Variants in RBM19 observed in about 807,000 individuals in gnomAD.
RBM19 encodes RNA binding motif protein 19.
A neutral mutation model predicts 116.8 loss-of-function variants in RBM19; 94 were observed. The observed-to-expected ratio is 0.80, with a 90% CI of 0.68 to 0.95. RBM19 has a LOEUF of 0.95. Among genes scored for constraint, RBM19 ranks in the 40% least tolerant of loss-of-function variants. The pLI is 0.00. For synonymous variants in RBM19, 475 were observed against 494.1 expected, an observed-to-expected ratio of 0.96 and a Z score of 0.51; for missense variants, 1,161 against 1,220.7, an observed-to-expected ratio of 0.95 and a Z score of 0.73.
intron 21 of RBM19, among the ~76,000 whole-genome samples, chr12:113,910,632 T>C (rs1006221822): frequency 3.3e-5 from 5 of 152,210 alleles, no homozygotes; most frequent in African/African-American, 1.2e-4. Context: ...CGTTACTGTC[T>C]GTACCCTAGT....
chr12:113,926,904 G>A, intron 17 of RBM19, 150 bp downstream of exon 17: 3 of 927,658 alleles, frequency 3.2e-6, no homozygotes, highest in Non-Finnish European at 4.8e-6. Flanking sequence ...ACACCCCAGG[G>A]GAAAGGGTCA....
At chr12:113,824,212 T>A (rs1220659911) in intron 23 of RBM19, among the ~76,000 whole-genome samples, 1 of 152,180 alleles carries the variant, frequency 6.6e-6, no homozygotes, top group Non-Finnish European at 1.5e-5. Context: ...GAGACGGAAC[T>A]GAGGCACGGA....
At chr12:113,893,254 G>A (rs1351502468) in intron 21 of RBM19, among the ~76,000 whole-genome samples, 4 of 151,918 alleles carry the variant, frequency 2.6e-5, no homozygotes, top group Admixed American at 2.6e-4. Flanking sequence ...CAAGCAATCC[G>A]CCTGCCTCAG....
At chr12:113,877,786 A>G (rs1879777656) in intron 21 of RBM19, among the ~76,000 whole-genome samples, 1 of 152,222 alleles carries the variant, frequency 6.6e-6, no homozygotes, top group Non-Finnish European at 1.5e-5. Context: ...TCAGTTACAA[A>G]TCACCTACTA....
In RBM19 at chr12:113,960,193, G is replaced by T; in HGVS notation, c.220-15C>A. 6.2e-7 allele frequency: 1 copy of T among 1,612,790 alleles called. No homozygotes were observed. Among genetic ancestry groups the T allele is most frequent in the Non-Finnish European group, 8.5e-7 (1 of 1,179,910 alleles). On this transcript the variant is annotated splice_polypyrimidine_tract_variant and intron_variant, in intron 2 of 23. Transcript: ENST00000261741. ...CAGAACTCCACCTGTGTGGGAAAGA[G>T]AGTGATTTTCACACCTGCCATGGCA... is the stretch of plus-strand genomic sequence containing the variant.
intron 21 of RBM19, among the ~76,000 whole-genome samples, chr12:113,861,786 C>G (rs1185487923): frequency 6.6e-6 from 1 of 152,072 alleles, no homozygotes; most frequent in African/African-American, 2.4e-5. Flanking sequence ...GCAGGGAAAG[C>G]TGGGACAGAA....
At chr12:113,913,060 T>C (rs1882546377) in intron 21 of RBM19, among the ~76,000 whole-genome samples, 1 of 152,138 alleles carries the variant, frequency 6.6e-6, no homozygotes, top group Admixed American at 6.5e-5. Context: ...GGACACTAAT[T>C]CCCTGTCTTC....
At chr12:113,943,264 C>T (rs1295711466) in intron 13 of RBM19, among the ~76,000 whole-genome samples, 1 of 152,186 alleles carries the variant, frequency 6.6e-6, no homozygotes, top group Non-Finnish European at 1.5e-5. Context: ...AGGAACCTCA[C>T]TGCTCCTGTT....
At chr12:113,847,607 C>T (rs1022962314) in intron 22 of RBM19, among the ~76,000 whole-genome samples, 8 of 151,966 alleles carry the variant, frequency 5.3e-5, no homozygotes, top group African/African-American at 1.9e-4. Flanking sequence ...GAGCTGTGGT[C>T]CCGGGGACAC....
chr12:113,949,980 T>C lies in RBM19; in HGVS notation c.1072+103A>G, dbSNP rs565733008. The C allele has an allele frequency of 2.8e-6, 3 of 1,070,990 alleles. No homozygotes were observed. The East Asian group carries it at 7.2e-5, about 26-fold the overall frequency. The allele number at this position is 1,070,990 out of a possible 1,614,324, so 66.3% of individuals were successfully genotyped here. A position where few individuals can be genotyped will look rare whatever the true frequency, so the allele number is the denominator to read the frequency against. ...GAACAGTGTCTGCAGAGACACTGCATTCTTGGTGGTGGTGATGGTGCTGGT... is the reference window on the plus strand; with the variant it reads ...GAACAGTGTCTGCAGAGACACTGCACTCTTGGTGGTGGTGATGGTGCTGGT... On this transcript the variant is annotated intron_variant, in intron 9 of 23. Transcript: ENST00000261741.
chr12:113,845,697 A>G (rs1238409043), intron 22 of RBM19, among the ~76,000 whole-genome samples: 1 of 152,178 alleles, frequency 6.6e-6, no homozygotes, highest in Non-Finnish European at 1.5e-5. Context: ...ATCATACGGT[A>G]GTGATCAGTA....
At chr12:113,871,009 T>C (rs1210006447) in intron 21 of RBM19, among the ~76,000 whole-genome samples, 1 of 152,174 alleles carries the variant, frequency 6.6e-6, no homozygotes, top group Non-Finnish European at 1.5e-5. Flanking sequence ...ACCAGATTCC[T>C]CTTGCAGGGC....
At chr12:113,886,819 T>C (rs1283865921) in intron 21 of RBM19, among the ~76,000 whole-genome samples, 2 of 151,692 alleles carry the variant, frequency 1.3e-5, no homozygotes, top group Admixed American at 6.6e-5. Context: ...TTAACACGAG[T>C]TTCTCAAACA....
At chr12:113,911,339 G>C (rs1882413385) in intron 21 of RBM19, among the ~76,000 whole-genome samples, 1 of 152,148 alleles carries the variant, frequency 6.6e-6, no homozygotes, top group Admixed American at 6.5e-5. Context: ...GAATGGGGCA[G>C]AAATAGAGGA....
At chr12:113,939,868 A>T in intron 15 of RBM19, 92 bp downstream of exon 15, 2 of 1,377,250 alleles carry the variant, frequency 1.5e-6, no homozygotes, top group Non-Finnish European at 2.0e-6. Context: ...CATGTGCCAC[A>T]TCTGTGAATC....
chr12:113,889,096 C>T (rs1593537903), intron 21 of RBM19, among the ~76,000 whole-genome samples: 2 of 152,160 alleles, frequency 1.3e-5, no homozygotes, highest in African/African-American at 4.8e-5. Context: ...CTGCTGTTTC[C>T]TCCACACATT....
chr12:113,892,872 A>G (rs115442439), intron 21 of RBM19, among the ~76,000 whole-genome samples: 5,000 of 152,166 alleles, frequency 0.033, 257 homozygotes, highest in African/African-American at 0.11. Flanking sequence ...GGTGCAGGTA[A>G]TTTGCCAAAT....
intron 23 of RBM19, among the ~76,000 whole-genome samples, chr12:113,841,454 C>T (rs1347907734): frequency 3.6e-5 from 5 of 138,786 alleles, no homozygotes; most frequent in African/African-American, 8.0e-5. Context: ...GATGGAGTCT[C>T]GCTCTGTCAC....
intron 14 of RBM19, 56 bp downstream of exon 14, chr12:113,942,268 G>T: frequency 1.4e-6 from 2 of 1,462,900 alleles, no homozygotes; most frequent in Non-Finnish European, 1.9e-6. Context: ...CCCTGGAAAG[G>T]CCATTCTCGA....
Sources: allele counts gnomAD v4.1 joint callset (sites outside exome capture counted in the v4.1 genomes callset), GRCh38; gene constraint gnomAD v4.1.1; transcripts MANE v1.5; gene names NCBI Gene and HGNC (gene_info 2026-07-23, HGNC 2026-07-21).